Variants in SDHB observed in about 807,000 individuals in gnomAD.
The protein encoded by SDHB is succinate dehydrogenase [ubiquinone] iron-sulfur subunit, mitochondrial.
Under a neutral mutation model 39.7 loss-of-function variants are expected in SDHB, and 21 were observed. The ratio of observed to expected loss-of-function variants is 0.53; its 90% CI spans 0.37 to 0.76. SDHB has a LOEUF of 0.76. Ranked by LOEUF, SDHB falls within the 30% of genes least tolerant of loss-of-function variation. The probability of loss-of-function intolerance (pLI) is 0.00; values close to 1 mark genes in which losing one functional copy is unlikely to be tolerated. For synonymous variants in SDHB, 118 were observed against 117.0 expected (o/e 1.01, Z -0.06); for missense variants, 343 against 350.9 (o/e 0.98, Z 0.18).
At chr1:17,035,347 T>C (rs2078045365) in intron 2 of SDHB, among the ~76,000 whole-genome samples, 1 of 152,166 alleles carries the variant, frequency 6.6e-6, no homozygotes, top group South Asian at 2.1e-4. Context: ...ACTGTATCAG[T>C]TGTCCCAAAT....
intron 2 of SDHB, among the ~76,000 whole-genome samples, chr1:17,038,789 C>A (rs1324256180): frequency 1.3e-5 from 2 of 152,098 alleles, no homozygotes; most frequent in East Asian, 3.8e-4. Context: ...AATTCAAATT[C>A]CTTATAGTTT....
At position 17,051,842 on chromosome 1, in the gene SDHB, A is replaced by AT. The variant is rs376165201; in HGVS notation, c.72+2105dup. On this transcript the variant is annotated intron_variant, in intron 1 of 7. Transcript: ENST00000375499. ...AAGGAACAAGATGCACATTTTTTAA[A>AT]TTTTTTTTTTTTTTTTGAGACTGAG... is the stretch of plus-strand genomic sequence containing the variant. Among the ~76,000 whole-genome samples, 670 of 142,322 alleles carry AT rather than the reference A, an allele frequency of 4.7e-3. 1 individual carries two copies. Among genetic ancestry groups the AT allele is most frequent in the African/African-American group, 6.8e-3 (262 of 38,798 alleles). The allele number at this position is 142,322 out of a possible 152,430, so 93.4% of individuals were successfully genotyped here. A position where few individuals can be genotyped will look rare whatever the true frequency, so the allele number is the denominator to read the frequency against.
chr1:17,045,648 GACTGCTA>G (rs1411498722), intron 1 of SDHB, among the ~76,000 whole-genome samples: 1 of 152,016 alleles, frequency 6.6e-6, no homozygotes, highest in Non-Finnish European at 1.5e-5. Context: ...TATACTCCAG[GACTGCTA>G]ATTTTTAAAA....
intron 1 of SDHB, among the ~76,000 whole-genome samples, chr1:17,047,228 T>C (rs895924978): frequency 2.0e-5 from 3 of 151,540 alleles, no homozygotes; most frequent in African/African-American, 4.9e-5. Context: ...TGGTGGCACA[T>C]GTCTGTAATC....
rs1436586326 is a variant in SDHB at position 17,050,466 on chromosome 1, C to T, written c.72+3482G>A. Among the ~76,000 whole-genome samples, 5 of 151,810 alleles carry T rather than the reference C, an allele frequency of 3.3e-5. No homozygotes were observed. The South Asian group carries it at 8.3e-4, about 25-fold the overall frequency. On this transcript the variant is annotated intron_variant, in intron 1 of 7. Transcript: ENST00000375499. Reference sequence around the variant, plus strand: ...GAGTTCGAGATCAGCCTGGCCAACACGGTGAAACCCCGTCTCTACTAAAAA... The same window carrying T: ...GAGTTCGAGATCAGCCTGGCCAACATGGTGAAACCCCGTCTCTACTAAAAA...
chr1:17,048,491 A>G (rs1023315142), intron 1 of SDHB, among the ~76,000 whole-genome samples: 3 of 152,154 alleles, frequency 2.0e-5, no homozygotes, highest in Non-Finnish European at 4.4e-5. Context: ...TTCATTTCTC[A>G]GGATAAACAC....
At chr1:17,044,146 A>C (rs935723671) in intron 2 of SDHB, among the ~76,000 whole-genome samples, 1 of 152,198 alleles carries the variant, frequency 6.6e-6, no homozygotes, top group Non-Finnish European at 1.5e-5. Context: ...TTATTATAGA[A>C]AACACAGGTC....
chr1:17,043,587 C>T (rs767749665), intron 2 of SDHB, among the ~76,000 whole-genome samples: 8 of 152,090 alleles, frequency 5.3e-5, no homozygotes, highest in Non-Finnish European at 8.8e-5. Context: ...TATATGGGGG[C>T]GTGGAGTGGA....
At chr1:17,046,700 A>T (rs776846008) in intron 1 of SDHB, among the ~76,000 whole-genome samples, 51 of 152,082 alleles carry the variant, frequency 3.4e-4, no homozygotes, top group Non-Finnish European at 6.3e-4. Flanking sequence ...ATGCTTTTTT[A>T]AAAAATTAAA....
At chr1:17,049,644 G>GTTTTTTTTT (rs1570960889) in intron 1 of SDHB, among the ~76,000 whole-genome samples, 1 of 45,928 alleles carries the variant, frequency 2.2e-5, no homozygotes, top group Non-Finnish European at 3.6e-5. Context: ...TAATCCCCTA[G>GTTTTTTTTT]TTCTTTTTTT....
At chr1:17,047,535 T>C (rs1177778330) in intron 1 of SDHB, among the ~76,000 whole-genome samples, 3 of 151,388 alleles carry the variant, frequency 2.0e-5, no homozygotes. Context: ...AAAAACGAAT[T>C]AGCAGGGTGT....
intron 2 of SDHB, among the ~76,000 whole-genome samples, chr1:17,037,905 G>C (rs2078059068): frequency 6.6e-6 from 1 of 152,180 alleles, no homozygotes. Flanking sequence ...GGGAGGCCGA[G>C]GTGGGCAGAT....
At chr1:17,042,388 T>C (rs1254874054) in intron 2 of SDHB, among the ~76,000 whole-genome samples, 1 of 152,100 alleles carries the variant, frequency 6.6e-6, no homozygotes, top group Non-Finnish European at 1.5e-5. Flanking sequence ...TTTTCCGGAG[T>C]TGATCATTGT....
chr1:17,018,849 C>T lies in SDHB; in HGVS notation c.*32G>A, dbSNP rs1172153327. ...GATATAAATTATGTTCAGCTCTGAG[C>T]TGGTTATAAATCATGTTTAGCATGG... On this transcript the variant is annotated 3_prime_UTR_variant, in exon 8 of 8. Transcript: ENST00000375499. 2 of 1,489,684 alleles carry T rather than the reference C, an allele frequency of 1.3e-6. No individual in the cohort carries two copies. Among genetic ancestry groups the T allele is most frequent in the Non-Finnish European group, 9.4e-7 (1 of 1,067,158 alleles). The allele number at this position is 1,489,684 out of a possible 1,614,324, so 92.3% of individuals were successfully genotyped here. A position where few individuals can be genotyped will look rare whatever the true frequency, so the allele number is the denominator to read the frequency against.
At chr1:17,034,706 T>C (rs1300865127) in intron 2 of SDHB, among the ~76,000 whole-genome samples, 2 of 152,118 alleles carry the variant, frequency 1.3e-5, no homozygotes, top group Non-Finnish European at 2.9e-5. Context: ...ATCAGCACTA[T>C]GTAGACGTCC....
intron 6 of SDHB, among the ~76,000 whole-genome samples, chr1:17,023,442 A>G (rs577961848): frequency 1.3e-5 from 2 of 152,372 alleles, no homozygotes; most frequent in African/African-American, 4.8e-5. Context: ...TGAGTTGCCT[A>G]GAGTCTGTGA....
chr1:17,029,420 C>G (rs924973917), intron 3 of SDHB, among the ~76,000 whole-genome samples: 3 of 145,286 alleles, frequency 2.1e-5, no homozygotes, highest in African/African-American at 7.3e-5. Flanking sequence ...ACCACACACC[C>G]GTCAAGCCTA....
intron 2 of SDHB, among the ~76,000 whole-genome samples, 190 bp downstream of exon 2, chr1:17,044,571 C>T (rs2078098347): frequency 6.6e-6 from 1 of 152,162 alleles, no homozygotes; most frequent in Non-Finnish European, 1.5e-5. Context: ...GATGATCTGC[C>T]CGCCTGAGCC....
rs2078051553 is a variant in SDHB at position 17,036,675 on chromosome 1, TATATAA to T, written c.201-3536_201-3531del. ...TTTTCTAGGTAAGCAGGGTTTTACA[TATATAA>T]ATATAAATATTTATATAAATATGAA... On this transcript the variant is annotated intron_variant, in intron 2 of 7. Transcript: ENST00000375499. Among the ~76,000 whole-genome samples, 7 of 145,150 alleles carry T rather than the reference TATATAA, an allele frequency of 4.8e-5. No homozygotes were observed. In the South Asian group the frequency reaches 8.4e-4, roughly 17 times the overall value.
Sources: gnomAD v4.1 joint callset for allele counts (sites outside exome capture counted in the v4.1 genomes callset) on GRCh38, gnomAD v4.1.1 for gene constraint, MANE v1.5 for transcripts, NCBI Gene and HGNC (gene_info 2026-07-23, HGNC 2026-07-21) for gene names.